Variants in KAZN observed in about 807,000 individuals in gnomAD.
KAZN encodes kazrin.
Under a neutral mutation model 87.4 loss-of-function variants are expected in KAZN, and 40 were observed. The observed-to-expected ratio is 0.46, with a 90% CI of 0.36 to 0.60. The LOEUF is 0.60. Ranked by LOEUF, KAZN falls within the 20% of genes least tolerant of loss-of-function variation. The pLI is 0.00. For missense variants in KAZN, 898 were observed against 1,073.9 expected (o/e 0.84, Z 2.29); for synonymous variants, 466 against 458.3 (o/e 1.02, Z -0.22).
intron 2 of KAZN, among the ~76,000 whole-genome samples, chr1:14,991,866 A>ACC (rs1260388196): frequency 6.6e-6 from 1 of 152,220 alleles, no homozygotes; most frequent in East Asian, 1.9e-4. Flanking sequence ...GAGAGACAGA[A>ACC]CATGAGAGGT....
chr1:14,135,196 C>T (rs1645082673), intron 1 of KAZN, among the ~76,000 whole-genome samples: 1 of 152,210 alleles, frequency 6.6e-6, no homozygotes, highest in Non-Finnish European at 1.5e-5. Context: ...GCCTGCTCAT[C>T]TCTGCTTCCT....
chr1:14,861,060 A>G (rs1650786167), intron 1 of KAZN, among the ~76,000 whole-genome samples: 1 of 152,226 alleles, frequency 6.6e-6, no homozygotes, highest in South Asian at 2.1e-4. Context: ...GGTGGTGCCA[A>G]GTAATTGCAG....
At chr1:14,193,065 C>T (rs766949570) in intron 2 of KAZN, among the ~76,000 whole-genome samples, 23 of 152,190 alleles carry the variant, frequency 1.5e-4, no homozygotes, top group South Asian at 6.2e-4. Flanking sequence ...TGATAATGAG[C>T]GAGTTCTCAA....
chr1:14,293,894 G>A (rs981417677), intron 2 of KAZN, among the ~76,000 whole-genome samples: 1 of 152,088 alleles, frequency 6.6e-6, no homozygotes, highest in Non-Finnish European at 1.5e-5. Flanking sequence ...CAAGTCCATT[G>A]TCCACCTCTG....
chr1:15,039,023 A>G (rs1448067435), intron 3 of KAZN, among the ~76,000 whole-genome samples: 3 of 148,802 alleles, frequency 2.0e-5, no homozygotes, highest in Non-Finnish European at 4.4e-5. Context: ...CCAGTAGCAG[A>G]TGTTTATTGT....
intron 1 of KAZN, among the ~76,000 whole-genome samples, chr1:14,939,633 G>A (rs542158731): frequency 6.6e-6 from 1 of 151,694 alleles, no homozygotes; most frequent in African/African-American, 2.4e-5. Flanking sequence ...GCATTGGGAC[G>A]TGCCTCTTGC....
At chr1:14,926,773 C>T (rs1027414006) in intron 1 of KAZN, among the ~76,000 whole-genome samples, 5 of 152,178 alleles carry the variant, frequency 3.3e-5, no homozygotes, top group Non-Finnish European at 5.9e-5. Context: ...CCAGGCTGTG[C>T]GGTGGCTCTT....
intron 1 of KAZN, among the ~76,000 whole-genome samples, chr1:14,062,240 A>G (rs1420654304): frequency 1.3e-5 from 2 of 152,206 alleles, no homozygotes; most frequent in Non-Finnish European, 2.9e-5. Flanking sequence ...TGAGTATGAC[A>G]AAAACGACGG....
At chr1:14,374,732 C>G (rs1191221367) in intron 2 of KAZN, among the ~76,000 whole-genome samples, 1 of 152,176 alleles carries the variant, frequency 6.6e-6, no homozygotes, top group Non-Finnish European at 1.5e-5. Context: ...GGACCGCGGA[C>G]TGCCCCTCGA....
chr1:14,643,157 A>G (rs1680535901), intron 1 of KAZN, among the ~76,000 whole-genome samples: 1 of 152,194 alleles, frequency 6.6e-6, no homozygotes, highest in Non-Finnish European at 1.5e-5. Context: ...AATAAAAAGG[A>G]ATGGATTTTT....
chr1:14,463,170 T>A (rs1436115739), intron 2 of KAZN, among the ~76,000 whole-genome samples: 1 of 152,234 alleles, frequency 6.6e-6, no homozygotes, highest in Non-Finnish European at 1.5e-5. Context: ...CTTTAACTTC[T>A]GGATCATTGC....
intron 1 of KAZN, among the ~76,000 whole-genome samples, chr1:13,957,785 A>G (rs1641600665): frequency 6.6e-6 from 1 of 152,174 alleles, no homozygotes; most frequent in Non-Finnish European, 1.5e-5. Flanking sequence ...TAATCTATTC[A>G]TGAAAGATCC....
intron 1 of KAZN, among the ~76,000 whole-genome samples, chr1:14,726,769 A>G (rs974033946): frequency 2.0e-5 from 3 of 152,210 alleles, no homozygotes; most frequent in South Asian, 2.1e-4. Flanking sequence ...CTTGAGAGAC[A>G]TGCAGATTCT....
In KAZN at chr1:14,883,355, A is replaced by AGAGAGAG. The variant is rs1553150619; in HGVS notation, c.227-77329_227-77328insGAGAGAG. Among the ~76,000 whole-genome samples the AGAGAGAG allele has an allele frequency of 1.6e-3, 33 of 20,604 alleles. 4 individuals are homozygous for AGAGAGAG. Among genetic ancestry groups the AGAGAGAG allele is most frequent in the South Asian group, 3.4e-3 (1 of 294 alleles). 13.5% of individuals were successfully genotyped at this position (20,604 alleles called of 152,430 possible). ...GAGAGAGAGAGAGAAAGAAAGAAAG[A>AGAGAGAG]AAAGAAAGAAAGAAAGAAAGAAAGA... is the stretch of plus-strand genomic sequence containing the variant. On this transcript the variant is annotated intron_variant, in intron 1 of 14. Transcript: ENST00000376030.
chr1:14,027,597 A>G (rs1641136355), intron 1 of KAZN, among the ~76,000 whole-genome samples: 1 of 152,192 alleles, frequency 6.6e-6, no homozygotes, highest in Admixed American at 6.5e-5. Context: ...GTGTTCCTAC[A>G]TAGAAAGTAA....
At chr1:14,741,912 C>A (rs906119825) in intron 1 of KAZN, among the ~76,000 whole-genome samples, 1 of 152,190 alleles carries the variant, frequency 6.6e-6, no homozygotes, top group Non-Finnish European at 1.5e-5. Flanking sequence ...TTTCTGTTAA[C>A]CAATTCAATG....
chr1:14,002,388 A>G (rs1325029247), intron 1 of KAZN, among the ~76,000 whole-genome samples: 4 of 152,188 alleles, frequency 2.6e-5, no homozygotes, highest in Admixed American at 2.6e-4. Flanking sequence ...GGTCTTTCCC[A>G]TGCTCTTCTA....
chr1:14,457,449 A>G (rs1353114717), intron 2 of KAZN, among the ~76,000 whole-genome samples: 1 of 152,200 alleles, frequency 6.6e-6, no homozygotes, highest in Non-Finnish European at 1.5e-5. Context: ...GTTTTACTCA[A>G]TACAAATTTC....
At chr1:13,979,930 C>CA (rs142839854) in intron 1 of KAZN, among the ~76,000 whole-genome samples, 1,604 of 100,354 alleles carry the variant, frequency 0.016, 13 homozygotes, top group South Asian at 0.028. Flanking sequence ...GACTCCGTCT[C>CA]AAAAAAAAAA....
Sources: gnomAD v4.1 joint callset for allele counts (sites outside exome capture counted in the v4.1 genomes callset) on GRCh38, gnomAD v4.1.1 for gene constraint, MANE v1.5 for transcripts, NCBI Gene and HGNC (gene_info 2026-07-23, HGNC 2026-07-21) for gene names.